Variants in MYRIP observed in about 807,000 individuals in gnomAD.
The protein encoded by MYRIP is myosin VIIA and Rab interacting protein.
MYRIP carries 49 observed loss-of-function variants against 98.0 expected under a neutral mutation model. The observed-to-expected ratio is 0.50, with a 90% confidence interval of 0.40 to 0.63. The LOEUF (loss-of-function observed/expected upper bound fraction) is 0.63. Ranked by LOEUF, MYRIP falls within the 30% of genes least tolerant of loss-of-function variation. The pLI, the probability that MYRIP is intolerant of heterozygous loss-of-function variation, is 0.00. For synonymous variants in MYRIP, 404 were observed against 409.5 expected, an observed-to-expected ratio of 0.99 and a Z score of 0.16; for missense variants, 1,004 against 1,058.2, an observed-to-expected ratio of 0.95 and a Z score of 0.71.
At chr3:40,113,078 G>A (rs951248079) in intron 3 of MYRIP, among the ~76,000 whole-genome samples, 1 of 152,178 alleles carries the variant, frequency 6.6e-6, no homozygotes, top group Non-Finnish European at 1.5e-5. Context: ...ATGCAGGGAA[G>A]CGTCATTAAA....
At chr3:40,137,768 G>T (rs926175888) in intron 3 of MYRIP, among the ~76,000 whole-genome samples, 1 of 152,044 alleles carries the variant, frequency 6.6e-6, no homozygotes, top group Non-Finnish European at 1.5e-5. Flanking sequence ...GGCACATGCT[G>T]GGTGCTCAGT....
intron 16 of MYRIP, among the ~76,000 whole-genome samples, chr3:40,256,330 C>CACTT (rs1302226399): frequency 6.6e-6 from 1 of 152,032 alleles, no homozygotes; most frequent in African/African-American, 2.4e-5. Flanking sequence ...ATCCACAGGG[C>CACTT]ACTTACTTAC....
chr3:39,821,903 A>G (rs1232220801), intron 1 of MYRIP, among the ~76,000 whole-genome samples: 1 of 152,330 alleles, frequency 6.6e-6, no homozygotes, highest in East Asian at 1.9e-4. Flanking sequence ...TATTGGTTGC[A>G]GAGATTCATA....
chr3:40,162,837 A>G, intron 5 of MYRIP, 27 bp downstream of exon 5: 1 of 1,601,662 alleles, frequency 6.2e-7, no homozygotes, highest in Non-Finnish European at 8.6e-7. Flanking sequence ...GTTTACAGCT[A>G]CTGGGAAGTT....
chr3:39,841,466 A>G (rs1205254627), intron 1 of MYRIP, among the ~76,000 whole-genome samples: 1 of 152,020 alleles, frequency 6.6e-6, no homozygotes, highest in Non-Finnish European at 1.5e-5. Context: ...CAATTCATCA[A>G]GTCATTCTCC....
At chr3:40,138,686 A>G (rs13082783) in intron 3 of MYRIP, among the ~76,000 whole-genome samples, 53,037 of 152,016 alleles carry the variant, frequency 0.35, 11,435 homozygotes, top group Non-Finnish European at 0.48. Context: ...TTGGCAGATA[A>G]TAATTTTACA....
chr3:39,817,643 C>T (rs967799427), intron 1 of MYRIP, among the ~76,000 whole-genome samples: 3 of 152,176 alleles, frequency 2.0e-5, no homozygotes, highest in Admixed American at 6.5e-5. Context: ...GAATGTGTGA[C>T]ATTCCTTTTT....
rs72870090 is a variant in MYRIP, at chr3:39,991,625, T to A, written c.111-52425T>A. Reference sequence around the variant, plus strand: ...AGGCAAGCTTCTCTCTCCATAACCTTTGCACAGGTGTTCCCTCTTCCTGCT... The same window carrying A: ...AGGCAAGCTTCTCTCTCCATAACCTATGCACAGGTGTTCCCTCTTCCTGCT... On this transcript the variant is annotated intron_variant, in intron 2 of 16. Coordinates refer to ENST00000302541, the MANE Select transcript of MYRIP (RefSeq NM_015460.4). 1.1e-3 allele frequency among the ~76,000 whole-genome samples: 171 copies of A among 152,312 alleles called. 2 individuals are homozygous for A. The highest frequency in any genetic ancestry group is 4.0e-3 in the African/African-American group (167 of 41,558).
chr3:40,052,111 A>G (rs1947805400), intron 3 of MYRIP, among the ~76,000 whole-genome samples: 1 of 152,058 alleles, frequency 6.6e-6, no homozygotes, highest in Non-Finnish European at 1.5e-5. Flanking sequence ...CTACTATACT[A>G]TTGAATACTA....
chr3:39,984,377 T>TC (rs1386474963), intron 2 of MYRIP, among the ~76,000 whole-genome samples: 2 of 150,222 alleles, frequency 1.3e-5, no homozygotes, highest in African/African-American at 4.9e-5. Flanking sequence ...CCCTCCGCCC[T>TC]CCCCCCATCC....
intron 16 of MYRIP, among the ~76,000 whole-genome samples, chr3:40,253,120 C>T (rs910380316): frequency 5.9e-5 from 9 of 152,236 alleles, no homozygotes; most frequent in African/African-American, 2.2e-4. Flanking sequence ...ATATTAATAA[C>T]CAATATAATA....
intron 2 of MYRIP, among the ~76,000 whole-genome samples, chr3:40,041,004 A>AAGAAAAT (rs1947508457): frequency 7.8e-6 from 1 of 127,536 alleles, no homozygotes; most frequent in Non-Finnish European, 1.7e-5. Flanking sequence ...GAAAAAAAAA[A>AAGAAAAT]AGAAAATATT....
At chr3:40,130,208 G>C (rs1949608136) in intron 3 of MYRIP, among the ~76,000 whole-genome samples, 1 of 152,084 alleles carries the variant, frequency 6.6e-6, no homozygotes, top group South Asian at 2.1e-4. Context: ...TCTACAGTCT[G>C]TTCCCAGATT....
chr3:40,040,568 T>G (rs1947488863), intron 2 of MYRIP, among the ~76,000 whole-genome samples: 1 of 61,948 alleles, frequency 1.6e-5, no homozygotes, highest in African/African-American at 6.5e-5. Flanking sequence ...AGCAAAGACT[T>G]GGAACCAACC....
intron 2 of MYRIP, among the ~76,000 whole-genome samples, chr3:40,006,757 A>G (rs1283641950): frequency 6.6e-6 from 1 of 152,342 alleles, no homozygotes; most frequent in South Asian, 2.1e-4. Context: ...TAGCATTTGC[A>G]CTTACTTTGA....
intron 2 of MYRIP, among the ~76,000 whole-genome samples, chr3:39,980,893 A>G (rs1381728286): frequency 6.6e-6 from 1 of 152,170 alleles, no homozygotes; most frequent in Non-Finnish European, 1.5e-5. Flanking sequence ...AGGAAGCAGG[A>G]ATTGGGGAGT....
chr3:39,977,684 TAG>T (rs890651483), intron 2 of MYRIP, among the ~76,000 whole-genome samples: 3 of 152,118 alleles, frequency 2.0e-5, no homozygotes, highest in Non-Finnish European at 2.9e-5. Flanking sequence ...GGAGCAAATA[TAG>T]AGAGTCAAAT....
At chr3:40,221,074 T>C (rs1042222110) in intron 11 of MYRIP, among the ~76,000 whole-genome samples, 39 of 130,840 alleles carry the variant, frequency 3.0e-4, no homozygotes, top group Non-Finnish European at 2.9e-4. Context: ...AAAGAGAAAA[T>C]GTAAATGGAC....
chr3:39,941,271 G>T (rs143440193), intron 2 of MYRIP, among the ~76,000 whole-genome samples: 2 of 152,164 alleles, frequency 1.3e-5, no homozygotes, highest in Non-Finnish European at 2.9e-5. Context: ...GAGATGTCAG[G>T]CTCTTTTAGG....
Sources: gnomAD v4.1 joint callset for allele counts (sites outside exome capture counted in the v4.1 genomes callset) on GRCh38, gnomAD v4.1.1 for gene constraint, MANE v1.5 for transcripts, NCBI Gene and HGNC (gene_info 2026-07-23, HGNC 2026-07-21) for gene names.